Variants in CHSY3 observed in about 807,000 individuals in gnomAD.
The protein encoded by CHSY3 is chondroitin sulfate synthase 3.
A neutral mutation model predicts 67.2 loss-of-function variants in CHSY3; 35 were observed. That is an observed-to-expected ratio of 0.52 (90% CI 0.40 to 0.69). The LOEUF is 0.69. CHSY3 is among the 30% of genes least tolerant of loss of function. The probability of loss-of-function intolerance (pLI) is 0.00; values close to 1 mark genes in which losing one functional copy is unlikely to be tolerated. For synonymous variants in CHSY3, 474 were observed against 434.7 expected, an observed-to-expected ratio of 1.09 and a Z score of -1.12; for missense variants, 1,069 against 1,138.5, an observed-to-expected ratio of 0.94 and a Z score of 0.88.
intron 2 of CHSY3, among the ~76,000 whole-genome samples, chr5:129,926,236 C>T (rs2149586079): frequency 6.6e-6 from 1 of 151,998 alleles, no homozygotes; most frequent in African/African-American, 2.4e-5. Context: ...AGATGGCCAA[C>T]TTATTGATTA....
chr5:129,969,562 T>C (rs1038946104), intron 2 of CHSY3, among the ~76,000 whole-genome samples: 6 of 151,998 alleles, frequency 3.9e-5, no homozygotes, highest in African/African-American at 1.4e-4. Context: ...ATCTCAAGCC[T>C]AAAAAGAAAC....
chr5:129,908,031 A>C, intron 1 of CHSY3, 46 bp from the exon 2 acceptor site: 1 of 1,583,176 alleles, frequency 6.3e-7, no homozygotes, highest in South Asian at 1.2e-5. Context: ...ATGATAAGTG[A>C]TTATGAAATA....
intron 2 of CHSY3, among the ~76,000 whole-genome samples, chr5:130,090,906 G>A (rs775283607): frequency 3.3e-5 from 5 of 152,120 alleles, no homozygotes; most frequent in Non-Finnish European, 7.4e-5. Context: ...TATGAAATAA[G>A]TGAAAGAATA....
At chr5:129,996,194 G>A (rs1763533306) in intron 2 of CHSY3, among the ~76,000 whole-genome samples, 1 of 152,124 alleles carries the variant, frequency 6.6e-6, no homozygotes. Context: ...AACAGCAGCT[G>A]TTATTATGAG....
intron 1 of CHSY3, 136 bp from the exon 2 acceptor site, chr5:129,907,941 A>C: frequency 1.4e-6 from 2 of 1,418,998 alleles, no homozygotes; most frequent in Non-Finnish European, 1.8e-6. Context: ...GAGTATTGGA[A>C]GAGGCTTTTT....
chr5:130,081,340 G>C (rs1418945833), intron 2 of CHSY3, among the ~76,000 whole-genome samples: 1 of 151,276 alleles, frequency 6.6e-6, no homozygotes, highest in African/African-American at 2.4e-5. Context: ...GGGTGGGTGG[G>C]GGTGCTGCAG....
At chr5:129,911,177 AT>A (rs1382053264) in intron 2 of CHSY3, among the ~76,000 whole-genome samples, 10 of 151,726 alleles carry the variant, frequency 6.6e-5, no homozygotes, top group Admixed American at 4.6e-4. Context: ...AAAATATATA[AT>A]TGTATAGTTT....
chr5:130,104,739 TAAC>T (rs1161187733), intron 2 of CHSY3, among the ~76,000 whole-genome samples: 1 of 151,794 alleles, frequency 6.6e-6, no homozygotes, highest in Non-Finnish European at 1.5e-5. Context: ...GAATATGAAT[TAAC>T]AAAAAAGTAT....
intron 2 of CHSY3, among the ~76,000 whole-genome samples, chr5:130,036,597 G>A (rs1318882635): frequency 6.6e-6 from 1 of 152,108 alleles, no homozygotes; most frequent in Non-Finnish European, 1.5e-5. Flanking sequence ...AAAGACCTCA[G>A]ACCTTGGAGC....
rs564146346 is a variant in CHSY3 at position 129,905,467 on chromosome 5, A to T, written c.638A>T (p.Asn213Ile). The T allele has an allele frequency of 1.9e-6, 3 of 1,612,514 alleles. No homozygotes were observed. Among genetic ancestry groups the T allele is most frequent in the South Asian group, 2.2e-5 (2 of 91,074 alleles). Residue 213 changes from asparagine (N) to isoleucine (I), a missense_variant, in exon 1 of 3, where the codon AAC becomes ATC. Asn to Ile is a moderately radical substitution (Grantham distance 149). This residue lies in a region of CHSY3 where 216 missense variants were observed against 311.5 expected (regional missense o/e 0.69). Transcript: ENST00000305031. ...TTCTTTTCCAGCCAGCAGCCCCCCA[A>T]CGCCGGCCAGCCCCCGCCACCCCTG... ...VEFFSSQQPP[N>I]AGQPPPPLPV...
At chr5:130,127,870 T>C (rs1369757920) in intron 2 of CHSY3, among the ~76,000 whole-genome samples, 1 of 152,192 alleles carries the variant, frequency 6.6e-6, no homozygotes, top group African/African-American at 2.4e-5. Flanking sequence ...TTCTCAATTC[T>C]ATAAATATAT....
intron 2 of CHSY3, among the ~76,000 whole-genome samples, chr5:130,008,837 G>C (rs1580643880): frequency 6.6e-6 from 1 of 152,288 alleles, no homozygotes; most frequent in East Asian, 1.9e-4. Context: ...ATTCACAGCA[G>C]AGCAGAGGTA....
rs1463082933 is a variant in CHSY3, at chr5:130,184,625, C to G, written c.1483C>G (p.Leu495Val). The change falls in exon 3 of 3, where the codon CTG becomes GTG. Residue 495 changes from leucine to valine, a missense_variant. Physicochemically the swap from Leu to Val is conservative, Grantham distance 32 (BLOSUM62 1). Coordinates refer to ENST00000305031, the MANE Select transcript of CHSY3 (RefSeq NM_175856.5). Reference sequence around the variant, plus strand: ...CCTCAGTAGCATTTTAAGAACAGCACTGGATGATACCGTCCTACAGGTGAT... The same window carrying G: ...CCTCAGTAGCATTTTAAGAACAGCAGTGGATGATACCGTCCTACAGGTGAT... ...QSLSSILRTA[L>V]DDTVLQVMEM... 2.0e-5 allele frequency: 32 copies of G among 1,606,340 alleles called. No individual in the cohort carries two copies. Among genetic ancestry groups the G allele is most frequent in the Non-Finnish European group, 2.6e-5 (30 of 1,172,878 alleles).
At chr5:130,096,870 G>C (rs748622587) in intron 2 of CHSY3, among the ~76,000 whole-genome samples, 1 of 152,070 alleles carries the variant, frequency 6.6e-6, no homozygotes, top group Non-Finnish European at 1.5e-5. Context: ...GAATTGTCCA[G>C]AAATTATTAT....
At chr5:130,147,661 G>A (rs996501740) in intron 2 of CHSY3, among the ~76,000 whole-genome samples, 2 of 152,066 alleles carry the variant, frequency 1.3e-5, no homozygotes, top group African/African-American at 2.4e-5. Context: ...CATGGTGCTC[G>A]GCATCTGCTC....
At chr5:130,071,184 A>C (rs1371170785) in intron 2 of CHSY3, among the ~76,000 whole-genome samples, 1 of 152,110 alleles carries the variant, frequency 6.6e-6, no homozygotes, top group Admixed American at 6.6e-5. Context: ...AGAGAGCTTC[A>C]TAAGCACATT....
At chr5:130,073,278 C>G (rs1766145152) in intron 2 of CHSY3, among the ~76,000 whole-genome samples, 1 of 150,578 alleles carries the variant, frequency 6.6e-6, no homozygotes, top group African/African-American at 2.5e-5. Flanking sequence ...CATTTTTGTT[C>G]AATTAAAAAT....
chr5:130,021,506 G>T (rs923239852), intron 2 of CHSY3, among the ~76,000 whole-genome samples: 5 of 152,022 alleles, frequency 3.3e-5, no homozygotes, highest in Non-Finnish European at 7.4e-5. Flanking sequence ...AGTTTCCATG[G>T]CAATGGAGCT....
intron 2 of CHSY3, among the ~76,000 whole-genome samples, chr5:130,063,033 A>G (rs774339143): frequency 1.3e-5 from 2 of 152,066 alleles, no homozygotes; most frequent in African/African-American, 2.4e-5. Flanking sequence ...TTGCATTTTA[A>G]TATCTGTTAA....
Sources: gnomAD v4.1 joint callset for allele counts (sites outside exome capture counted in the v4.1 genomes callset) on GRCh38, gnomAD v4.1.1 for gene constraint, gnomAD v4.1.1 regional missense constraint, MANE v1.5 for transcripts, NCBI Gene and HGNC (gene_info 2026-07-23, HGNC 2026-07-21) for gene names.